The following DCC variants were observed in gnomAD, a reference collection of about 807,000 sequenced individuals.
The protein encoded by DCC is DCC netrin 1 receptor, also known as netrin receptor DCC.
DCC carries 58 observed loss-of-function variants against 172.5 expected under a neutral mutation model. The observed-to-expected ratio is 0.34, with a 90% CI of 0.27 to 0.42. The LOEUF is 0.42. Ranked by LOEUF, DCC falls within the 10% of genes least tolerant of loss-of-function variation. The probability of loss-of-function intolerance (pLI) is 1.00; values close to 1 mark genes in which losing one functional copy is unlikely to be tolerated. For missense variants in DCC, 1,740 were observed against 1,791.0 expected, an observed-to-expected ratio of 0.97 and a Z score of 0.51; for synonymous variants, 709 against 644.5, an observed-to-expected ratio of 1.10 and a Z score of -1.52.
intron 7 of DCC, among the ~76,000 whole-genome samples, chr18:53,073,180 C>T (rs1181835800): frequency 6.6e-6 from 1 of 151,944 alleles, no homozygotes; most frequent in Non-Finnish European, 1.5e-5. Flanking sequence ...AGATAAATTT[C>T]CCACTTTAAA....
chr18:52,889,939 A>T (rs980246), intron 2 of DCC, among the ~76,000 whole-genome samples: 136,735 of 152,062 alleles, frequency 0.9, 61,911 homozygotes, highest in Middle Eastern at 0.97. Flanking sequence ...GAGAGTGTTA[A>T]TTGGTGTTTT....
chr18:52,563,950 T>G (rs570307591), intron 1 of DCC, among the ~76,000 whole-genome samples: 1 of 152,124 alleles, frequency 6.6e-6, no homozygotes, highest in African/African-American at 2.4e-5. Flanking sequence ...AGCAAAGCTT[T>G]GGGAACTTAT....
chr18:52,347,443 G>A (rs1046935199), intron 1 of DCC, among the ~76,000 whole-genome samples: 4 of 152,060 alleles, frequency 2.6e-5, no homozygotes, highest in African/African-American at 9.7e-5. Flanking sequence ...GATAATTTTT[G>A]AAGGCATTGC....
At chr18:52,866,833 CA>C (rs1280311831) in intron 2 of DCC, among the ~76,000 whole-genome samples, 7 of 152,206 alleles carry the variant, frequency 4.6e-5, no homozygotes, top group Admixed American at 1.3e-4. Flanking sequence ...TGCAAACAGA[CA>C]ATTTGCTTCC....
chr18:53,226,948 A>ATATATCTATTTTTTTTTTTT, intron 12 of DCC, among the ~76,000 whole-genome samples: 4 of 52,950 alleles, frequency 7.6e-5, no homozygotes, highest in African/African-American at 3.8e-4. Context: ...ATATATATAT[A>ATATATCTATTTTTTTTTTTT]TTTTTTTTTT....
In DCC at chr18:53,178,831, A is replaced by T. The variant is rs371074021; in HGVS notation, c.1419-131A>T. ...TATAGAAAGTCTGAGGTCTTGAATT[A>T]TGTCCCAGAGTCAACATTAGATGAG... On this transcript the variant is annotated intron_variant, in intron 8 of 28. Coordinates refer to ENST00000442544, the MANE Select transcript of DCC (RefSeq NM_005215.4). The T allele has an allele frequency of 9.4e-6, 8 of 846,930 alleles. No individual in the cohort carries two copies. The African/African-American group carries it at 1.3e-4, about 14-fold the overall frequency. The allele number at this position is 846,930 out of a possible 1,614,324, so 52.5% of individuals were successfully genotyped here. A position where few individuals can be genotyped will look rare whatever the true frequency, so the allele number is the denominator to read the frequency against.
intron 2 of DCC, among the ~76,000 whole-genome samples, chr18:52,766,249 C>A (rs995551986): frequency 1.3e-5 from 2 of 152,158 alleles, no homozygotes; most frequent in African/African-American, 4.8e-5. Flanking sequence ...CTATGCAGGC[C>A]CCATGGCAGC....
At chr18:52,608,084 C>T (rs1445400026) in intron 1 of DCC, among the ~76,000 whole-genome samples, 1 of 152,068 alleles carries the variant, frequency 6.6e-6, no homozygotes, top group Non-Finnish European at 1.5e-5. Flanking sequence ...TTTTCTGATG[C>T]TCTATCTCCC....
intron 24 of DCC, among the ~76,000 whole-genome samples, chr18:53,461,465 G>A (rs192201980): frequency 1.2e-4 from 19 of 152,234 alleles, no homozygotes; most frequent in Admixed American, 3.3e-4. Context: ...TGTATAAGGT[G>A]TAAGGAAGGG....
chr18:53,340,245 C>A (rs1252325902), intron 15 of DCC, among the ~76,000 whole-genome samples: 2 of 152,112 alleles, frequency 1.3e-5, no homozygotes, highest in Non-Finnish European at 2.9e-5. Flanking sequence ...TCAATGGAAA[C>A]TTCTGATCCT....
intron 1 of DCC, among the ~76,000 whole-genome samples, chr18:52,575,968 A>G (rs2033399987): frequency 6.6e-6 from 1 of 152,166 alleles, no homozygotes; most frequent in African/African-American, 2.4e-5. Flanking sequence ...TTTCATTCAG[A>G]TGGGTAAGCG....
chr18:53,285,595 A>C (rs987653519), intron 12 of DCC, among the ~76,000 whole-genome samples: 1 of 152,226 alleles, frequency 6.6e-6, no homozygotes, highest in African/African-American at 2.4e-5. Context: ...GCAGTGCAGA[A>C]AGGAAATGTG....
intron 20 of DCC, among the ~76,000 whole-genome samples, chr18:53,413,947 G>T (rs1910144293): frequency 6.6e-6 from 1 of 152,116 alleles, no homozygotes; most frequent in African/African-American, 2.4e-5. Flanking sequence ...TAGGATCTCA[G>T]TTCAAAATCG....
intron 27 of DCC, among the ~76,000 whole-genome samples, chr18:53,503,772 A>G (rs1182969421): frequency 6.6e-6 from 1 of 152,218 alleles, no homozygotes; most frequent in East Asian, 1.9e-4. Flanking sequence ...CCTTTATATC[A>G]TAATACTCTT....
intron 1 of DCC, among the ~76,000 whole-genome samples, chr18:52,670,396 G>A (rs978072627): frequency 6.6e-6 from 1 of 152,210 alleles, no homozygotes; most frequent in Non-Finnish European, 1.5e-5. Context: ...ATATGTCTAA[G>A]TAAAATGCTA....
rs113228213 is a variant in DCC, at chr18:53,108,009, C to T, written c.1261+41843C>T. ...ATAATCACTGGAAGAGCAATGCATC[C>T]GAGAAAAATAAATTAACTTTAATCC... On this transcript the variant is annotated intron_variant, in intron 7 of 28. Transcript: ENST00000442544. 9.7e-3 allele frequency among the ~76,000 whole-genome samples: 1,474 copies of T among 151,490 alleles called. 33 individuals carry two copies. Among genetic ancestry groups the T allele is most frequent in the African/African-American group, 0.033 (1,365 of 41,338 alleles).
In DCC at chr18:52,920,912, A is replaced by G. The variant is rs571397133; in HGVS notation, c.698-2795A>G. 2.6e-5 allele frequency among the ~76,000 whole-genome samples: 4 copies of G among 152,280 alleles called. No homozygotes were observed. The East Asian group carries it at 7.7e-4, about 29-fold the overall frequency. ...TAAATGTATATTGCTGTGAGAAAAA[A>G]GCCAGTCTGAAAAGGCTATGTACTT... On this transcript the variant is annotated intron_variant, in intron 3 of 28. Coordinates refer to ENST00000442544, the MANE Select transcript of DCC (RefSeq NM_005215.4).
At chr18:52,949,377 TTCC>T (rs915394459) in intron 5 of DCC, among the ~76,000 whole-genome samples, 2 of 152,192 alleles carry the variant, frequency 1.3e-5, no homozygotes, top group African/African-American at 4.8e-5. Context: ...GAAAAGGCTC[TTCC>T]TCCTTCCCCT....
intron 5 of DCC, among the ~76,000 whole-genome samples, chr18:53,033,353 A>C (rs773854803): frequency 3.3e-5 from 5 of 152,102 alleles, no homozygotes; most frequent in Non-Finnish European, 7.4e-5. Context: ...TGGTGATCTA[A>C]CACCACTTGA....
Sources: gnomAD v4.1 joint callset for allele counts (sites outside exome capture counted in the v4.1 genomes callset) on GRCh38, gnomAD v4.1.1 for gene constraint, MANE v1.5 for transcripts, NCBI Gene and HGNC (gene_info 2026-07-23, HGNC 2026-07-21) for gene names.